Variants in APBA2 observed in about 807,000 individuals in gnomAD.
The protein encoded by APBA2 is amyloid beta precursor protein binding family A member 2.
Under a neutral mutation model 75.0 loss-of-function variants are expected in APBA2, and 30 were observed. That is an observed-to-expected ratio of 0.40 (90% confidence interval 0.30 to 0.54). The LOEUF is 0.54. Among genes scored for constraint, APBA2 ranks in the 20% least tolerant of loss-of-function variants. APBA2 has a pLI of 0.49. For missense variants in APBA2, 801 were observed against 1,016.1 expected (o/e 0.79, Z 2.88); for synonymous variants, 444 against 409.6 (o/e 1.08, Z -1.01).
intron 6 of APBA2, among the ~76,000 whole-genome samples, chr15:29,091,248 AG>A (rs2043556943): frequency 6.6e-6 from 1 of 152,126 alleles, no homozygotes; most frequent in Admixed American, 6.5e-5. Context: ...CCCCATTGAT[AG>A]GACTCAGTTA....
chr15:28,967,406 A>G (rs1265237701), intron 2 of APBA2, among the ~76,000 whole-genome samples: 2 of 152,068 alleles, frequency 1.3e-5, no homozygotes, highest in Non-Finnish European at 2.9e-5. Context: ...GTGTTTTATA[A>G]ATTTCAGGTT....
chr15:29,105,299 C>G (rs2044336965), intron 10 of APBA2, 80 bp from the exon 11 acceptor site: 1 of 1,450,422 alleles, frequency 6.9e-7, no homozygotes, highest in African/African-American at 1.4e-5. Context: ...TGCACCCAGC[C>G]CTGCCGCAGC....
At chr15:28,952,848 A>G (rs930574345) in intron 2 of APBA2, among the ~76,000 whole-genome samples, 3 of 152,208 alleles carry the variant, frequency 2.0e-5, no homozygotes, top group Admixed American at 6.5e-5. Flanking sequence ...CACTATCTCC[A>G]TTGTATAGAT....
chr15:29,092,494 T>TGCCA (rs2043625576), intron 6 of APBA2, among the ~76,000 whole-genome samples: 6 of 152,198 alleles, frequency 3.9e-5, no homozygotes, highest in Non-Finnish European at 8.8e-5. Flanking sequence ...AGATAGAACC[T>TGCCA]TCCATTGTGG....
At chr15:28,950,914 A>G (rs2035832001) in intron 2 of APBA2, among the ~76,000 whole-genome samples, 1 of 152,154 alleles carries the variant, frequency 6.6e-6, no homozygotes, top group Non-Finnish European at 1.5e-5. Context: ...TTATTGCTCA[A>G]ACTGTCCCAG....
intron 8 of APBA2, among the ~76,000 whole-genome samples, chr15:29,097,019 C>T (rs2043880278): frequency 6.6e-6 from 1 of 152,236 alleles, no homozygotes; most frequent in South Asian, 2.1e-4. Flanking sequence ...ACTACAGTGG[C>T]TACAGGTGAC....
In APBA2 at chr15:29,054,499, C is replaced by G; in HGVS notation, c.615C>G (p.Thr205=). ...DYYPEEANGN[T]GASPYRLRRG... ...ACCCCGAGGAGGCCAACGGGAACAC[C>G]GGCGCCTCCCCCTACCGCCTGAGGC... The change falls in exon 4 of 15, where the codon ACC becomes ACG. Residue 205 remains threonine, a synonymous_variant. Transcript: ENST00000683413. This position sits in a 1 kb window ranked among gnomAD's most constrained non-coding sequence, Gnocchi z 6.1. The G allele has an allele frequency of 6.2e-7, 1 of 1,613,684 alleles. No homozygotes were observed. The highest frequency in any genetic ancestry group is 8.5e-7 in the Non-Finnish European group (1 of 1,179,834).
rs1312651646 is a variant in APBA2 at position 28,991,012 on chromosome 15, G to A, written c.-94-4741G>A. The stretch of plus-strand genomic sequence containing the variant: ...GAGGTTTGAGCTTTCTATTCTAAAG[G>A]CTCAGCTTCTTGCCCAGGAGAAAAA... On this transcript the variant is annotated intron_variant, in intron 2 of 14. Coordinates refer to ENST00000683413, the MANE Select transcript of APBA2 (RefSeq NM_001353788.2). The surrounding 1 kb of genome is among the most constrained non-coding windows in gnomAD (Gnocchi z 4.7). Among the ~76,000 whole-genome samples, 1 of 152,144 alleles carries A rather than the reference G, an allele frequency of 6.6e-6. No homozygotes were observed. The highest frequency in any genetic ancestry group is 1.5e-5 in the Non-Finnish European group (1 of 68,024).
At chr15:29,026,782 A>G (rs2040243446) in intron 3 of APBA2, among the ~76,000 whole-genome samples, 1 of 151,602 alleles carries the variant, frequency 6.6e-6, no homozygotes, top group Non-Finnish European at 1.5e-5. Flanking sequence ...TTAGCTGGGC[A>G]TGGTGTTGGG....
intron 1 of APBA2, among the ~76,000 whole-genome samples, chr15:28,901,814 C>G (rs561061628): frequency 6.6e-6 from 1 of 151,974 alleles, no homozygotes; most frequent in African/African-American, 2.4e-5. Context: ...AGTGAGCATT[C>G]CAGTGTTTGC....
At chr15:28,962,710 G>A (rs1261175649) in intron 2 of APBA2, among the ~76,000 whole-genome samples, 2 of 151,678 alleles carry the variant, frequency 1.3e-5, no homozygotes, top group African/African-American at 4.8e-5. Context: ...CCATGGCCCA[G>A]CCTAACTTCC....
chr15:28,971,733 A>C (rs1191431571), intron 2 of APBA2, among the ~76,000 whole-genome samples: 3 of 152,204 alleles, frequency 2.0e-5, no homozygotes, highest in African/African-American at 7.2e-5. Flanking sequence ...AATTAAAAAA[A>C]CTGTACTTTA....
chr15:28,899,026 A>G (rs1017958925), intron 1 of APBA2, among the ~76,000 whole-genome samples: 2 of 152,286 alleles, frequency 1.3e-5, no homozygotes, highest in African/African-American at 4.8e-5. Context: ...ACTAGACACA[A>G]GTAACCAAAT....
At chr15:29,086,767 G>C (rs1360568275) in intron 6 of APBA2, among the ~76,000 whole-genome samples, 1 of 152,166 alleles carries the variant, frequency 6.6e-6, no homozygotes, top group African/African-American at 2.4e-5. Flanking sequence ...TACACTTTTA[G>C]ATTCATTGGT....
intron 2 of APBA2, among the ~76,000 whole-genome samples, chr15:28,933,041 C>T (rs958512368): frequency 3.3e-5 from 5 of 152,032 alleles, no homozygotes; most frequent in East Asian, 1.9e-4. Flanking sequence ...ATATAGTGAG[C>T]GAGAGAGGGA....
rs996664611 is a variant in APBA2 at position 28,951,760 on chromosome 15, C to T, written c.-95+30011C>T. Among the ~76,000 whole-genome samples, 102 of 150,868 alleles carry T rather than the reference C, an allele frequency of 6.8e-4. 1 individual carries two copies. Among genetic ancestry groups the T allele is most frequent in the African/African-American group, 2.4e-3 (99 of 41,148 alleles). On this transcript the variant is annotated intron_variant, in intron 2 of 14. Coordinates refer to ENST00000683413, the MANE Select transcript of APBA2 (RefSeq NM_001353788.2). ...CCACCACACCCAGCTAATTTTTGTA[C>T]TTTTAGTAGACAGAGTTTCACCATG...
chr15:28,886,470 C>T (rs1595377890), intron 1 of APBA2, among the ~76,000 whole-genome samples, 192 bp downstream of exon 1: 1 of 148,892 alleles, frequency 6.7e-6, no homozygotes, highest in East Asian at 2.0e-4. Context: ...GCCCGGCGGC[C>T]CCACTCCTCT....
At chr15:28,967,981 C>T (rs1289552148) in intron 2 of APBA2, among the ~76,000 whole-genome samples, 13 of 152,214 alleles carry the variant, frequency 8.5e-5, no homozygotes, top group Admixed American at 8.5e-4. Flanking sequence ...CTGGCAACCA[C>T]CATTCTACTT....
chr15:29,006,148 C>T (rs1338114796), intron 3 of APBA2, among the ~76,000 whole-genome samples: 2 of 152,206 alleles, frequency 1.3e-5, no homozygotes, highest in African/African-American at 4.8e-5. Flanking sequence ...GAAATTTTCT[C>T]TCTTTTCACA....
Sources: gnomAD v4.1 joint callset for allele counts (sites outside exome capture counted in the v4.1 genomes callset) on GRCh38, gnomAD v4.1.1 for gene constraint, Gnocchi (gnomAD v3.1) non-coding constraint, MANE v1.5 for transcripts, NCBI Gene and HGNC (gene_info 2026-07-23, HGNC 2026-07-21) for gene names.